Variants in ASCC2 observed in about 807,000 individuals in gnomAD.
ASCC2 encodes ASC-1 complex subunit P100.
ASCC2 carries 42 observed loss-of-function variants against 93.5 expected under a neutral mutation model. The observed-to-expected ratio is 0.45, with a 90% CI of 0.35 to 0.58. ASCC2 has a LOEUF of 0.58. Among genes scored for constraint, ASCC2 ranks in the 20% least tolerant of loss-of-function variants. The pLI is 0.00. For missense variants in ASCC2, 859 were observed against 977.6 expected, an observed-to-expected ratio of 0.88 and a Z score of 1.62; for synonymous variants, 364 against 384.2, an observed-to-expected ratio of 0.95 and a Z score of 0.62.
rs551529562 is a variant in ASCC2 at position 29,801,106 on chromosome 22, T to C, written c.1573A>G (p.Met525Val). 1.7e-5 allele frequency: 27 copies of C among 1,597,108 alleles called. No individual in the cohort carries two copies. The highest frequency in any genetic ancestry group is 2.2e-5 in the Non-Finnish European group (26 of 1,166,290). The stretch of plus-strand genomic sequence containing the variant: ...AGCAGGGGTGTAGGGTCTGGTTTCA[T>C]TTCTCTGGGTGGGGGACACAGAGAT... ...SQLDRNLDREMKPDPTPLLTS... is the reference protein window; with the variant it reads ...SQLDRNLDREVKPDPTPLLTS... Residue 525 changes from methionine (M) to valine (V), a missense_variant, in exon 15 of 20, where the codon ATG (methionine) becomes GTG (valine). Met to Val is a conservative substitution (Grantham distance 21). Transcript: ENST00000307790.
chr22:29,790,581 C>A, intron 18 of ASCC2, 33 bp from the exon 19 acceptor site: 1 of 1,602,352 alleles, frequency 6.2e-7, no homozygotes, highest in South Asian at 1.1e-5. Flanking sequence ...AATCTGGAGT[C>A]AGGAGCTGCC....
intron 8 of ASCC2, chr22:29,810,289 C>G (rs2060137185): frequency 6.6e-6 from 1 of 152,220 alleles, no homozygotes; most frequent in Non-Finnish European, 1.5e-5. Context: ...TGCCTCTTTT[C>G]TGTGGTATAA....
At chr22:29,806,454 C>T (rs1385481547) in intron 11 of ASCC2, 31 bp downstream of exon 11, 1 of 1,610,198 alleles carries the variant, frequency 6.2e-7, no homozygotes, top group South Asian at 1.1e-5. Flanking sequence ...GTGGGAGGGT[C>T]ATGGGCCCAG....
At chr22:29,808,040 C>T in intron 9 of ASCC2, 71 bp downstream of exon 9, 2 of 1,517,852 alleles carry the variant, frequency 1.3e-6, no homozygotes, top group Non-Finnish European at 1.8e-6. Flanking sequence ...ATGCTAATGC[C>T]CAGGGAAGGC....
chr22:29,808,160 T>C lies in ASCC2; in HGVS notation c.859A>G (p.Ile287Val). 3 of 1,614,246 alleles carry C rather than the reference T, an allele frequency of 1.9e-6. No homozygotes were observed. The highest frequency in any genetic ancestry group is 2.2e-5 in the East Asian group (1 of 44,884). The change falls in exon 9 of 20, where the codon ATT (isoleucine) becomes GTT (valine). Residue 287 changes from isoleucine to valine, a missense_variant. Transcript: ENST00000307790. The stretch of plus-strand genomic sequence containing the variant: ...TTAATTGCAGACTCCATTTCGGGAA[T>C]TGCTGCTTCGTAGAAGGAAGCTAGT... ...YRLASFYEAA[I>V]PEMESAIKKR... is the part of the protein sequence containing the mutation.
chr22:29,815,020 G>A (rs1166912955), intron 6 of ASCC2, among the ~76,000 whole-genome samples: 5 of 152,260 alleles, frequency 3.3e-5, no homozygotes, highest in African/African-American at 9.6e-5. Flanking sequence ...CTGGGGCCAG[G>A]TGTGGTGGCT....
At chr22:29,818,050 A>T (rs1156960076) in intron 5 of ASCC2, among the ~76,000 whole-genome samples, 1 of 150,196 alleles carries the variant, frequency 6.7e-6, no homozygotes, top group Non-Finnish European at 1.5e-5. Flanking sequence ...AAAAAAAATT[A>T]GGTGGGGGAT....
intron 15 of ASCC2, among the ~76,000 whole-genome samples, chr22:29,796,110 A>G (rs1280174922): frequency 2.0e-5 from 3 of 148,522 alleles, no homozygotes; most frequent in African/African-American, 4.9e-5. Flanking sequence ...GCCTCCCTTC[A>G]CATCTTTTTT....
chr22:29,832,441 A>T lies in ASCC2; in HGVS notation c.-17-99T>A, dbSNP rs984466901. ...TCCCAGAGTCAGAAGAGAAGCTTCAACCTCTCGCCTTAGGAGGCTCCTGTT... is the reference window on the plus strand; with the variant it reads ...TCCCAGAGTCAGAAGAGAAGCTTCATCCTCTCGCCTTAGGAGGCTCCTGTT... On this transcript the variant is annotated intron_variant, in intron 1 of 19. Transcript: ENST00000307790. The T allele has an allele frequency of 3.2e-6, 3 of 927,202 alleles. No homozygotes were observed. The African/African-American group carries it at 5.0e-5, about 15-fold the overall frequency. 57.4% of individuals were successfully genotyped at this position (927,202 alleles called of 1,614,324 possible).
chr22:29,797,036 A>T (rs1324769250), intron 15 of ASCC2, among the ~76,000 whole-genome samples: 1 of 152,178 alleles, frequency 6.6e-6, no homozygotes, highest in Non-Finnish European at 1.5e-5. Context: ...GGGACAGTGA[A>T]GCCCGGGCAC....
chr22:29,803,770 G>A (rs988369574), intron 13 of ASCC2, among the ~76,000 whole-genome samples: 6 of 152,210 alleles, frequency 3.9e-5, no homozygotes, highest in South Asian at 2.1e-4. Flanking sequence ...GCTAAGAAGC[G>A]AAATGGGGAA....
At chr22:29,827,817 A>C (rs1749979434) in intron 2 of ASCC2, among the ~76,000 whole-genome samples, 1 of 129,108 alleles carries the variant, frequency 7.7e-6, no homozygotes, top group African/African-American at 3.1e-5. Context: ...TCTGACACAC[A>C]CACACACACA....
chr22:29,835,812 T>C (rs1203029621), intron 1 of ASCC2, among the ~76,000 whole-genome samples: 2 of 152,190 alleles, frequency 1.3e-5, no homozygotes, highest in Non-Finnish European at 2.9e-5. Flanking sequence ...GAATACAATC[T>C]GGGTCCTAGG....
At chr22:29,798,762 C>T (rs1569370160) in intron 15 of ASCC2, among the ~76,000 whole-genome samples, 1 of 152,248 alleles carries the variant, frequency 6.6e-6, no homozygotes, top group Non-Finnish European at 1.5e-5. Flanking sequence ...GTTTAATGGT[C>T]TTTCTTATGA....
intron 5 of ASCC2, among the ~76,000 whole-genome samples, chr22:29,821,136 G>A (rs2061507113): frequency 6.6e-6 from 1 of 152,136 alleles, no homozygotes; most frequent in Admixed American, 6.5e-5. Context: ...GTCCCACAGT[G>A]CTTCTGTTTC....
intron 5 of ASCC2, 139 bp from the exon 6 acceptor site, chr22:29,816,212 CG>C: frequency 1.4e-6 from 1 of 724,740 alleles, no homozygotes; most frequent in South Asian, 1.7e-5. Context: ...GGACCTAGGA[CG>C]AGTCCTGGCC....
At chr22:29,821,853 G>C in intron 5 of ASCC2, 1 of 366,738 alleles carries the variant, frequency 2.7e-6, no homozygotes, top group East Asian at 9.2e-5. Flanking sequence ...TTTTTAATTC[G>C]CCAGGCATGG....
At chr22:29,801,971 C>T (rs2059138665) in intron 14 of ASCC2, 23 bp downstream of exon 14, 1 of 1,560,056 alleles carries the variant, frequency 6.4e-7, no homozygotes, top group African/African-American at 1.4e-5. Context: ...CAGCGGGAGC[C>T]TCCTCCCACC....
intron 1 of ASCC2, among the ~76,000 whole-genome samples, chr22:29,834,770 G>A (rs2063568605): frequency 6.6e-6 from 1 of 152,136 alleles, no homozygotes; most frequent in Admixed American, 6.5e-5. Flanking sequence ...TACATTATTG[G>A]CCAAGCTGAA....
Sources: allele counts gnomAD v4.1 joint callset (sites outside exome capture counted in the v4.1 genomes callset), GRCh38; gene constraint gnomAD v4.1.1; transcripts MANE v1.5; gene names NCBI Gene and HGNC (gene_info 2026-07-23, HGNC 2026-07-21).